GRM7: variants seen among roughly 807,000 people sequenced by gnomAD.
The protein encoded by GRM7 is glutamate metabotropic receptor 7, also known as metabotropic glutamate receptor 7.
GRM7 carries 35 observed loss-of-function variants against 84.5 expected under a neutral mutation model. That is an observed-to-expected ratio of 0.41 (90% CI 0.32 to 0.55). The LOEUF (loss-of-function observed/expected upper bound fraction) is 0.55. Ranked by LOEUF, GRM7 falls within the 20% of genes least tolerant of loss-of-function variation. The pLI, the probability that GRM7 is intolerant of heterozygous loss-of-function variation, is 0.19. For synonymous variants in GRM7, 487 were observed against 455.1 expected, an observed-to-expected ratio of 1.07 and a Z score of -0.89; for missense variants, 1,003 against 1,194.6, an observed-to-expected ratio of 0.84 and a Z score of 2.36.
chr3:7,120,256 G>T (rs149662011), intron 1 of GRM7, among the ~76,000 whole-genome samples: 14 of 152,170 alleles, frequency 9.2e-5, no homozygotes, highest in African/African-American at 3.1e-4. Context: ...AAAGAGAGAT[G>T]TATAGGAGAC....
intron 1 of GRM7, among the ~76,000 whole-genome samples, chr3:6,971,168 T>C (rs989942722): frequency 2.1e-5 from 3 of 145,606 alleles, no homozygotes; most frequent in Non-Finnish European, 3.0e-5. Flanking sequence ...GCAAAGATGA[T>C]TCCACAAAAA....
intron 7 of GRM7, among the ~76,000 whole-genome samples, chr3:7,517,423 C>T (rs1243212181): frequency 4.6e-5 from 7 of 152,104 alleles, no homozygotes; most frequent in African/African-American, 1.4e-4. Flanking sequence ...GACAGAGTCT[C>T]GCTCTGTCAC....
intron 1 of GRM7, among the ~76,000 whole-genome samples, chr3:7,082,928 G>T (rs534290500): frequency 2.0e-5 from 3 of 152,262 alleles, no homozygotes; most frequent in Non-Finnish European, 4.4e-5. Flanking sequence ...ACGAGGAATT[G>T]CTTCTTATGG....
chr3:6,936,163 C>T (rs1697686118), intron 1 of GRM7, among the ~76,000 whole-genome samples: 1 of 152,198 alleles, frequency 6.6e-6, no homozygotes, highest in Non-Finnish European at 1.5e-5. Flanking sequence ...GCTGTCTCAG[C>T]TCTGAGGTCT....
At chr3:6,880,210 C>A (rs558087408) in intron 1 of GRM7, among the ~76,000 whole-genome samples, 1 of 152,084 alleles carries the variant, frequency 6.6e-6, no homozygotes, top group Non-Finnish European at 1.5e-5. Context: ...TCCCAGTCTC[C>A]CCGACAAAGA....
chr3:7,242,338 G>A (rs992284973), intron 2 of GRM7, among the ~76,000 whole-genome samples: 14 of 152,142 alleles, frequency 9.2e-5, no homozygotes, highest in African/African-American at 3.4e-4. Flanking sequence ...TAACCCATTT[G>A]GTTCATCAGA....
At chr3:7,462,237 C>A (rs1318515439) in intron 7 of GRM7, among the ~76,000 whole-genome samples, 1 of 152,164 alleles carries the variant, frequency 6.6e-6, no homozygotes, top group Non-Finnish European at 1.5e-5. Context: ...CTTTCCTTCA[C>A]AAGATTATGT....
chr3:7,725,422 A>C (rs909578222), intron 9 of GRM7, among the ~76,000 whole-genome samples: 4 of 152,134 alleles, frequency 2.6e-5, no homozygotes, highest in Non-Finnish European at 5.9e-5. Flanking sequence ...CCAGACTCAG[A>C]ATTCTTTCCC....
At chr3:7,015,299 C>T (rs140291607) in intron 1 of GRM7, among the ~76,000 whole-genome samples, 16 of 152,160 alleles carry the variant, frequency 1.1e-4, no homozygotes, top group African/African-American at 3.6e-4. Context: ...TCTTGAAGTC[C>T]GCGAGACCAA....
chr3:7,359,125 A>G (rs1425300609), intron 4 of GRM7, among the ~76,000 whole-genome samples: 4 of 137,158 alleles, frequency 2.9e-5, no homozygotes, highest in Admixed American at 1.5e-4. Flanking sequence ...AAAAAAAAAA[A>G]AAGAAAAAAA....
At chr3:6,905,881 G>T (rs933940198) in intron 1 of GRM7, among the ~76,000 whole-genome samples, 1 of 152,096 alleles carries the variant, frequency 6.6e-6, no homozygotes, top group South Asian at 2.1e-4. Flanking sequence ...TTTCTTCCTT[G>T]ATTTAACTAA....
intron 1 of GRM7, among the ~76,000 whole-genome samples, chr3:7,131,521 C>T (rs1693598038): frequency 6.6e-6 from 1 of 152,100 alleles, no homozygotes; most frequent in Admixed American, 6.5e-5. Flanking sequence ...ACTCTGTTGC[C>T]AGGTTGGAGT....
intron 5 of GRM7, among the ~76,000 whole-genome samples, chr3:7,448,056 A>G (rs1697599763): frequency 6.6e-6 from 1 of 151,716 alleles, no homozygotes; most frequent in Non-Finnish European, 1.5e-5. Flanking sequence ...AGTTTCATCC[A>G]TGTCCCTACA....
chr3:7,379,037 T>G (rs1327859598), intron 4 of GRM7, among the ~76,000 whole-genome samples: 2 of 152,146 alleles, frequency 1.3e-5, no homozygotes, highest in Non-Finnish European at 2.9e-5. Context: ...TAACACATAT[T>G]AAGTGCCAGG....
chr3:7,738,316 A>T (rs1362681116), intron 9 of GRM7, among the ~76,000 whole-genome samples: 1 of 152,176 alleles, frequency 6.6e-6, no homozygotes. Flanking sequence ...ACCATCAGGC[A>T]GCCTAGTTCT....
chr3:7,490,995 A>G (rs1289943557), intron 7 of GRM7, among the ~76,000 whole-genome samples: 3 of 152,066 alleles, frequency 2.0e-5, no homozygotes, highest in East Asian at 3.8e-4. Context: ...AAAATATTTT[A>G]CATTACAAAT....
chr3:7,285,228 A>G (rs187196132), intron 2 of GRM7, among the ~76,000 whole-genome samples: 1 of 152,246 alleles, frequency 6.6e-6, no homozygotes, highest in East Asian at 1.9e-4. Flanking sequence ...AGACCAACAA[A>G]AGATTTTTAG....
intron 7 of GRM7, among the ~76,000 whole-genome samples, chr3:7,472,502 C>T (rs983262911): frequency 2.0e-5 from 3 of 152,112 alleles, no homozygotes; most frequent in African/African-American, 7.2e-5. Flanking sequence ...AGTAGCAGGG[C>T]AAGATGGAAG....
chr3:7,630,861 G>C (rs1697831652), intron 8 of GRM7, among the ~76,000 whole-genome samples: 1 of 152,216 alleles, frequency 6.6e-6, no homozygotes, highest in Non-Finnish European at 1.5e-5. Flanking sequence ...GTTTAAATTT[G>C]TGTCTGGTAA....
Sources: allele counts gnomAD v4.1 joint callset (sites outside exome capture counted in the v4.1 genomes callset), GRCh38; gene constraint gnomAD v4.1.1; transcripts MANE v1.5; gene names NCBI Gene and HGNC (gene_info 2026-07-23, HGNC 2026-07-21).